The following TNIK variants were observed in gnomAD, a reference collection of about 807,000 sequenced individuals.
TNIK encodes TRAF2 and NCK-interacting protein kinase.
TNIK carries 49 observed loss-of-function variants against 191.3 expected under a neutral mutation model. The observed-to-expected ratio is 0.26, with a 90% CI of 0.20 to 0.32. The LOEUF (loss-of-function observed/expected upper bound fraction) is 0.32, where lower values mean the gene tolerates loss of function less well. Among genes scored for constraint, TNIK ranks in the 10% least tolerant of loss-of-function variants. The pLI, the probability that TNIK is intolerant of heterozygous loss-of-function variation, is 1.00. For missense variants in TNIK, 1,155 were observed against 1,702.3 expected, an observed-to-expected ratio of 0.68 and a Z score of 5.66; for synonymous variants, 594 against 600.9, an observed-to-expected ratio of 0.99 and a Z score of 0.17.
intron 2 of TNIK, among the ~76,000 whole-genome samples, chr3:171,239,339 A>G (rs1744676174): frequency 6.6e-6 from 1 of 152,246 alleles, no homozygotes; most frequent in South Asian, 2.1e-4. Context: ...ATGCAGGGAT[A>G]TAGGAATCTT....
chr3:171,333,667 T>C (rs1271274372), intron 2 of TNIK, among the ~76,000 whole-genome samples: 2 of 151,906 alleles, frequency 1.3e-5, no homozygotes, highest in African/African-American at 4.8e-5. Flanking sequence ...GCTGTCCCCT[T>C]TGGGCTGAGC....
chr3:171,100,952 C>G (rs1486679233), intron 22 of TNIK, among the ~76,000 whole-genome samples: 6 of 152,116 alleles, frequency 3.9e-5, no homozygotes, highest in Non-Finnish European at 7.4e-5. Context: ...GGAACTTTCT[C>G]TGCATGATTA....
At chr3:171,322,039 T>C (rs969912024) in intron 2 of TNIK, among the ~76,000 whole-genome samples, 1 of 152,134 alleles carries the variant, frequency 6.6e-6, no homozygotes, top group Admixed American at 6.5e-5. Context: ...GAATCCAGAG[T>C]TTAGATTGTG....
intron 18 of TNIK, among the ~76,000 whole-genome samples, chr3:171,111,110 A>T (rs1349075859): frequency 6.6e-6 from 1 of 152,236 alleles, no homozygotes; most frequent in East Asian, 1.9e-4. Context: ...ATCACTAATC[A>T]TCAGGGAAAT....
chr3:171,176,139 G>C (rs1735926043), intron 8 of TNIK, among the ~76,000 whole-genome samples: 1 of 152,116 alleles, frequency 6.6e-6, no homozygotes, highest in Non-Finnish European at 1.5e-5. Flanking sequence ...AGGATTCTGT[G>C]GGCAGAAGTT....
At chr3:171,216,338 T>C (rs937142505) in intron 3 of TNIK, among the ~76,000 whole-genome samples, 6 of 152,240 alleles carry the variant, frequency 3.9e-5, no homozygotes, top group African/African-American at 1.2e-4. Context: ...TATCTACTTA[T>C]ACAATTAGTC....
chr3:171,283,060 C>A (rs539527302), intron 2 of TNIK, among the ~76,000 whole-genome samples: 8 of 151,882 alleles, frequency 5.3e-5, no homozygotes, highest in Non-Finnish European at 8.8e-5. Flanking sequence ...GAAAACGTGA[C>A]CTTTATCAAG....
chr3:171,341,270 C>T (rs369749247), intron 2 of TNIK, among the ~76,000 whole-genome samples: 153 of 151,862 alleles, frequency 1.0e-3, no homozygotes, highest in African/African-American at 3.3e-3. Context: ...GTCAGGAGTT[C>T]GAGACCAGAC....
intron 1 of TNIK, among the ~76,000 whole-genome samples, chr3:171,458,418 C>T (rs1729026195): frequency 6.6e-6 from 1 of 152,178 alleles, no homozygotes; most frequent in Non-Finnish European, 1.5e-5. Flanking sequence ...CATGAATGAG[C>T]TTTGGCTGCC....
intron 2 of TNIK, among the ~76,000 whole-genome samples, chr3:171,253,968 C>G (rs753506401): frequency 7.2e-5 from 11 of 152,198 alleles, no homozygotes; most frequent in Non-Finnish European, 1.6e-4. Context: ...GTGTGTCTTT[C>G]AGGATCCATT....
At position 171,110,684 on chromosome 3, in the gene TNIK, T is replaced by C. The variant is rs752494936; in HGVS notation, c.2284+30A>G. On this transcript the variant is annotated intron_variant, in intron 19 of 32. Transcript: ENST00000436636. ...TCCACAGCTTTCCTCCCAGGCAGTATTGCCAGGTAAAGGTAAGAGAAAGTT... is the reference window on the plus strand; with the variant it reads ...TCCACAGCTTTCCTCCCAGGCAGTACTGCCAGGTAAAGGTAAGAGAAAGTT... 5.8e-6 allele frequency: 9 copies of C among 1,553,156 alleles called. No individual in the cohort carries two copies. In the Admixed American group the frequency reaches 1.2e-4, roughly 20 times the overall value.
intron 1 of TNIK, among the ~76,000 whole-genome samples, chr3:171,459,700 A>ACG (rs113276113): frequency 2.0e-5 from 3 of 151,798 alleles, no homozygotes; most frequent in African/African-American, 4.8e-5. Flanking sequence ...ACACACACAC[A>ACG]CACGCACACA....
chr3:171,220,723 G>C (rs1206113594), intron 3 of TNIK, among the ~76,000 whole-genome samples: 1 of 152,110 alleles, frequency 6.6e-6, no homozygotes, highest in Admixed American at 6.6e-5. Flanking sequence ...GGGGCTAAGG[G>C]AATTAATTAT....
At chr3:171,313,294 C>T (rs1433843511) in intron 2 of TNIK, among the ~76,000 whole-genome samples, 2 of 151,720 alleles carry the variant, frequency 1.3e-5, no homozygotes, top group Non-Finnish European at 2.9e-5. Flanking sequence ...CTGGGTTACA[C>T]ATACCTAGAA....
At chr3:171,263,347 A>C (rs1486283477) in intron 2 of TNIK, among the ~76,000 whole-genome samples, 2 of 152,222 alleles carry the variant, frequency 1.3e-5, no homozygotes, top group Non-Finnish European at 2.9e-5. Flanking sequence ...TTTCAAATTT[A>C]ACTTTTGGAA....
intron 15 of TNIK, among the ~76,000 whole-genome samples, chr3:171,129,150 G>A (rs1469261048): frequency 6.6e-6 from 1 of 152,168 alleles, no homozygotes; most frequent in East Asian, 1.9e-4. Flanking sequence ...CCTGCTAAGA[G>A]TTTATCTTGT....
chr3:171,424,890 A>C (rs908459835), intron 1 of TNIK, among the ~76,000 whole-genome samples: 1 of 151,258 alleles, frequency 6.6e-6, no homozygotes, highest in Non-Finnish European at 1.5e-5. Context: ...GTTAAATGAC[A>C]AGTTAATGGG....
chr3:171,147,451 G>A (rs1050289715), intron 12 of TNIK, among the ~76,000 whole-genome samples: 1 of 152,164 alleles, frequency 6.6e-6, no homozygotes, highest in South Asian at 2.1e-4. Context: ...CGTTGCTAAA[G>A]TTTTAGTTTT....
chr3:171,414,962 C>T (rs942096593), intron 1 of TNIK, among the ~76,000 whole-genome samples: 25 of 152,158 alleles, frequency 1.6e-4, no homozygotes, highest in African/African-American at 5.1e-4. Context: ...TGCTGGGATT[C>T]CTTGATACCA....
Sources: gnomAD v4.1 joint callset for allele counts (sites outside exome capture counted in the v4.1 genomes callset) on GRCh38, gnomAD v4.1.1 for gene constraint, MANE v1.5 for transcripts, NCBI Gene and HGNC (gene_info 2026-07-23, HGNC 2026-07-21) for gene names.